CPNE8: variants seen among roughly 807,000 people sequenced by gnomAD.
CPNE8 encodes copine 8, also known as copine-8.
A neutral mutation model predicts 81.5 loss-of-function variants in CPNE8; 45 were observed. The ratio of observed to expected loss-of-function variants is 0.55; its 90% CI spans 0.44 to 0.71. The LOEUF is 0.71. CPNE8 is among the 30% of genes least tolerant of loss of function. The pLI, the probability that CPNE8 is intolerant of heterozygous loss-of-function variation, is 0.00. For synonymous variants in CPNE8, 252 were observed against 226.3 expected, an observed-to-expected ratio of 1.11 and a Z score of -1.02; for missense variants, 594 against 672.1, an observed-to-expected ratio of 0.88 and a Z score of 1.28.
chr12:38,749,028 C>A (rs566037044), intron 10 of CPNE8, among the ~76,000 whole-genome samples: 12 of 151,902 alleles, frequency 7.9e-5, no homozygotes, highest in Admixed American at 3.3e-4. Context: ...GTGTCCCCAC[C>A]CAAATCTCAT....
rs1944554532 is a variant in CPNE8 at position 38,905,419 on chromosome 12, G to A, written c.98+18C>T. ...ACAGATGAGAGGGCAGGAGAGAGGG[G>A]AAGGGCTGCGTCCTCACCTGCAGGA... is the stretch of plus-strand genomic sequence containing the variant. On this transcript the variant is annotated intron_variant, in intron 1 of 19. Coordinates refer to ENST00000331366, the MANE Select transcript of CPNE8 (RefSeq NM_153634.3). 1.9e-6 allele frequency: 3 copies of A among 1,551,628 alleles called. No homozygotes were observed. The highest frequency in any genetic ancestry group is 1.9e-5 in the Admixed American group (1 of 51,316).
In CPNE8 at chr12:38,763,915, T is replaced by C. The variant is rs1941622540; in HGVS notation, c.576-1699A>G. On this transcript the variant is annotated intron_variant, in intron 8 of 19. Transcript: ENST00000331366. ...CCCTTTGATAAGTCCTCAAGTTCAT[T>C]TTCCTACTCTCAAATAAGAGGGATT... 4.6e-5 allele frequency among the ~76,000 whole-genome samples: 7 copies of C among 152,122 alleles called. No homozygotes were observed. In the South Asian group the frequency reaches 1.2e-3, roughly 27 times the overall value.
intron 8 of CPNE8, among the ~76,000 whole-genome samples, chr12:38,764,310 C>T (rs1941632423): frequency 6.6e-6 from 1 of 151,956 alleles, no homozygotes; most frequent in Non-Finnish European, 1.5e-5. Context: ...GCAAAGGTAC[C>T]AAAAAATTTT....
intron 7 of CPNE8, among the ~76,000 whole-genome samples, chr12:38,769,925 T>TCCC (rs1941766845): frequency 6.6e-6 from 1 of 152,164 alleles, no homozygotes; most frequent in South Asian, 2.1e-4. Context: ...GTTCTTGCAA[T>TCCC]TACTCAGGTT....
intron 19 of CPNE8, among the ~76,000 whole-genome samples, chr12:38,658,594 T>C (rs961772995): frequency 6.6e-6 from 1 of 151,994 alleles, no homozygotes; most frequent in Non-Finnish European, 1.5e-5. Context: ...AGACATATAA[T>C]TGTCAGATTC....
At chr12:38,773,452 A>G (rs1941852075) in intron 7 of CPNE8, among the ~76,000 whole-genome samples, 1 of 152,104 alleles carries the variant, frequency 6.6e-6, no homozygotes, top group South Asian at 2.1e-4. Context: ...TATACATTAA[A>G]TATGTCCAGT....
intron 5 of CPNE8, among the ~76,000 whole-genome samples, chr12:38,830,779 G>A (rs894243833): frequency 6.6e-6 from 1 of 152,118 alleles, no homozygotes; most frequent in African/African-American, 2.4e-5. Context: ...AACTAGTATT[G>A]GCCCCATTTC....
At chr12:38,752,725 G>C (rs946182925) in intron 10 of CPNE8, among the ~76,000 whole-genome samples, 2 of 152,170 alleles carry the variant, frequency 1.3e-5, no homozygotes, top group Non-Finnish European at 2.9e-5. Context: ...GCCTCTTCTA[G>C]CCATAAGATT....
At chr12:38,760,728 T>C in intron 10 of CPNE8, 119 bp downstream of exon 10, 1 of 805,512 alleles carries the variant, frequency 1.2e-6, no homozygotes, top group East Asian at 2.7e-5. Flanking sequence ...TCAGTAACAT[T>C]TGGAAAAACA....
intron 13 of CPNE8, among the ~76,000 whole-genome samples, chr12:38,716,769 A>G (rs186387033): frequency 2.0e-5 from 3 of 152,152 alleles, no homozygotes; most frequent in Admixed American, 2.0e-4. Flanking sequence ...CAAATGCAAC[A>G]AAAACAAAAG....
intron 10 of CPNE8, among the ~76,000 whole-genome samples, chr12:38,748,803 T>G (rs1941293890): frequency 6.6e-6 from 1 of 152,140 alleles, no homozygotes; most frequent in Admixed American, 6.5e-5. Flanking sequence ...TTCAAAAAAT[T>G]TGTACCCATT....
chr12:38,659,654 G>A (rs929912696), intron 19 of CPNE8, among the ~76,000 whole-genome samples: 13 of 152,062 alleles, frequency 8.5e-5, no homozygotes, highest in African/African-American at 1.7e-4. Context: ...GAAGTAAAGC[G>A]CTCCTCAGCA....
intron 3 of CPNE8, among the ~76,000 whole-genome samples, chr12:38,872,179 T>C (rs1416272884): frequency 1.3e-5 from 2 of 152,064 alleles, no homozygotes; most frequent in Admixed American, 1.3e-4. Flanking sequence ...ACGATAAACA[T>C]GTTCAGCAGA....
intron 4 of CPNE8, among the ~76,000 whole-genome samples, chr12:38,842,190 A>T (rs2137045593): frequency 6.6e-6 from 1 of 152,182 alleles, no homozygotes; most frequent in East Asian, 1.9e-4. Context: ...TTGCTAGTAC[A>T]AAAAAATACA....
chr12:38,681,692 G>A (rs553931548), intron 16 of CPNE8, among the ~76,000 whole-genome samples: 3 of 152,322 alleles, frequency 2.0e-5, no homozygotes, highest in African/African-American at 7.2e-5. Flanking sequence ...TAAGGCTGCA[G>A]TATGAAATCC....
chr12:38,686,470 TA>T (rs1460411692), intron 15 of CPNE8, among the ~76,000 whole-genome samples: 1 of 152,216 alleles, frequency 6.6e-6, no homozygotes, highest in East Asian at 1.9e-4. Flanking sequence ...TTAATTCTCC[TA>T]GTCCAAATTA....
At chr12:38,896,790 T>C (rs1293467511) in intron 1 of CPNE8, among the ~76,000 whole-genome samples, 1 of 152,136 alleles carries the variant, frequency 6.6e-6, no homozygotes, top group Non-Finnish European at 1.5e-5. Flanking sequence ...TGGGATAACA[T>C]GCAGCTTTAT....
chr12:38,895,781 G>A (rs1944380715), intron 1 of CPNE8, among the ~76,000 whole-genome samples: 1 of 151,916 alleles, frequency 6.6e-6, no homozygotes, highest in African/African-American at 2.4e-5. Flanking sequence ...CACTGGTATT[G>A]ACAGAAAAGA....
At chr12:38,762,795 A>G (rs1941598380) in intron 8 of CPNE8, among the ~76,000 whole-genome samples, 1 of 152,168 alleles carries the variant, frequency 6.6e-6, no homozygotes, top group South Asian at 2.1e-4. Flanking sequence ...CTGGTAAAGG[A>G]AAAGATCTGG....
Sources: allele counts gnomAD v4.1 joint callset (sites outside exome capture counted in the v4.1 genomes callset), GRCh38; gene constraint gnomAD v4.1.1; transcripts MANE v1.5; gene names NCBI Gene and HGNC (gene_info 2026-07-23, HGNC 2026-07-21).